TENT2: variants seen among roughly 807,000 people sequenced by gnomAD.
The protein encoded by TENT2 is terminal nucleotidyltransferase 2, also known as poly(A) RNA polymerase GLD2.
Under a neutral mutation model 72.2 loss-of-function variants are expected in TENT2, and 44 were observed. The observed-to-expected ratio is 0.61, with a 90% CI of 0.48 to 0.78. TENT2 has a LOEUF of 0.78. Ranked by LOEUF, TENT2 falls within the 30% of genes least tolerant of loss-of-function variation. TENT2 has a pLI of 0.00. For synonymous variants in TENT2, 212 were observed against 192.5 expected (o/e 1.10, Z -0.84); for missense variants, 541 against 569.6 (o/e 0.95, Z 0.51).
intron 4 of TENT2, among the ~76,000 whole-genome samples, chr5:79,634,200 C>T (rs1025863646): frequency 2.6e-5 from 4 of 151,146 alleles, no homozygotes; most frequent in South Asian, 4.2e-4. Flanking sequence ...CAGCACTTCA[C>T]GTGTCCTTAT....
chr5:79,645,745 A>G (rs565977674), intron 8 of TENT2, among the ~76,000 whole-genome samples: 1 of 152,182 alleles, frequency 6.6e-6, no homozygotes, highest in East Asian at 1.9e-4. Context: ...TTATTTCATT[A>G]GTTAAACTGA....
chr5:79,669,645 G>C (rs1811336350), intron 12 of TENT2, among the ~76,000 whole-genome samples: 1 of 152,034 alleles, frequency 6.6e-6, no homozygotes, highest in African/African-American at 2.4e-5. Context: ...CTTGAGGGGG[G>C]AAGAGAGAAG....
intron 4 of TENT2, among the ~76,000 whole-genome samples, chr5:79,634,625 C>G (rs1456582678): frequency 1.3e-5 from 2 of 152,120 alleles, no homozygotes; most frequent in Non-Finnish European, 2.9e-5. Context: ...AGATGTGAGC[C>G]ACTGCGCCTG....
chr5:79,659,531 CAAAA>C (rs1291285987), intron 11 of TENT2, among the ~76,000 whole-genome samples: 1 of 8,978 alleles, frequency 1.1e-4, no homozygotes, highest in African/African-American at 4.2e-4. Context: ...GACTCTGTCT[CAAAA>C]AAAAAAAAAA....
At chr5:79,644,174 G>T (rs1195152633) in intron 7 of TENT2, among the ~76,000 whole-genome samples, 2 of 151,936 alleles carry the variant, frequency 1.3e-5, no homozygotes. Context: ...TAGAGACAGG[G>T]TTTCGCCATG....
chr5:79,628,492 C>T (rs527344105), intron 4 of TENT2, among the ~76,000 whole-genome samples: 2 of 152,198 alleles, frequency 1.3e-5, no homozygotes, highest in East Asian at 3.9e-4. Flanking sequence ...ATGAGAGGTG[C>T]TGAAGCTTTC....
intron 13 of TENT2, among the ~76,000 whole-genome samples, chr5:79,681,099 T>C (rs948914547): frequency 6.6e-6 from 1 of 151,486 alleles, no homozygotes; most frequent in Admixed American, 6.6e-5. Context: ...TTTTCTGTTT[T>C]CTTTTTCTGC....
intron 7 of TENT2, among the ~76,000 whole-genome samples, chr5:79,644,322 G>A (rs749897178): frequency 7.2e-5 from 11 of 152,018 alleles, no homozygotes; most frequent in Non-Finnish European, 1.3e-4. Flanking sequence ...CATTGTAACA[G>A]AAAATTTTCA....
At chr5:79,638,712 C>T (rs2150362778) in intron 4 of TENT2, among the ~76,000 whole-genome samples, 1 of 152,250 alleles carries the variant, frequency 6.6e-6, no homozygotes, top group Non-Finnish European at 1.5e-5. Flanking sequence ...GTGAATCTTG[C>T]TGCTGTTGGT....
At chr5:79,638,697 A>C (rs923240664) in intron 4 of TENT2, among the ~76,000 whole-genome samples, 9 of 152,138 alleles carry the variant, frequency 5.9e-5, no homozygotes, top group Non-Finnish European at 8.8e-5. Flanking sequence ...TGTGTCTGAT[A>C]CCATGTGAAT....
chr5:79,620,948 A>C (rs975945644), intron 3 of TENT2, among the ~76,000 whole-genome samples: 5 of 152,340 alleles, frequency 3.3e-5, no homozygotes, highest in Non-Finnish European at 7.4e-5. Flanking sequence ...CTTTGATTAA[A>C]AGAAATTCAT....
intron 2 of TENT2, 38 bp downstream of exon 2, chr5:79,619,823 A>AT: frequency 1.3e-6 from 2 of 1,587,024 alleles, no homozygotes; most frequent in Non-Finnish European, 1.7e-6. Flanking sequence ...TTGTTGGTAA[A>AT]TTTCATTTTC....
intron 10 of TENT2, among the ~76,000 whole-genome samples, chr5:79,655,976 T>C (rs1797681123): frequency 1.3e-5 from 2 of 151,928 alleles, no homozygotes; most frequent in Non-Finnish European, 2.9e-5. Context: ...ATTAATAGAT[T>C]TCAGAAGTCA....
chr5:79,633,862 A>G (rs1187214075), intron 4 of TENT2, among the ~76,000 whole-genome samples: 1 of 151,306 alleles, frequency 6.6e-6, no homozygotes, highest in Non-Finnish European at 1.5e-5. Flanking sequence ...ACATATAAAA[A>G]CTTTTCTGGG....
At chr5:79,671,421 T>C (rs1812846234) in intron 12 of TENT2, among the ~76,000 whole-genome samples, 1 of 151,884 alleles carries the variant, frequency 6.6e-6, no homozygotes, top group African/African-American at 2.4e-5. Context: ...TTTTTTTTTT[T>C]TGAAACAGAA....
chr5:79,661,519 A>ATT (rs1473810503), intron 11 of TENT2, among the ~76,000 whole-genome samples: 1 of 152,230 alleles, frequency 6.6e-6, no homozygotes, highest in Non-Finnish European at 1.5e-5. Context: ...CCACCACAAT[A>ATT]AAGTGAGTCA....
chr5:79,615,997 CCCTG>C (rs1258479218), intron 1 of TENT2, among the ~76,000 whole-genome samples: 28 of 151,400 alleles, frequency 1.8e-4, no homozygotes, highest in Admixed American at 5.9e-4. Flanking sequence ...CAAGCGATTC[CCCTG>C]CCTCAGCCTC....
intron 1 of TENT2, among the ~76,000 whole-genome samples, chr5:79,615,636 T>G (rs959969101): frequency 6.6e-6 from 1 of 151,276 alleles, no homozygotes; most frequent in Non-Finnish European, 1.5e-5. Context: ...CAAGAAGGAG[T>G]GTGAGCCTGA....
chr5:79,613,127 T>G (rs1756471850), intron 1 of TENT2, 52 bp downstream of exon 1: 1 of 152,236 alleles, frequency 6.6e-6, no homozygotes, highest in Non-Finnish European at 1.5e-5. Context: ...CTTTTAAGCC[T>G]TAATTAAATG....
Sources: gnomAD v4.1 joint callset for allele counts (sites outside exome capture counted in the v4.1 genomes callset) on GRCh38, gnomAD v4.1.1 for gene constraint, MANE v1.5 for transcripts, NCBI Gene and HGNC (gene_info 2026-07-23, HGNC 2026-07-21) for gene names.